The following DPP10 variants were observed in gnomAD, a reference collection of about 807,000 sequenced individuals.
DPP10 encodes the protein dipeptidyl peptidase like 10.
Under a neutral mutation model 120.9 loss-of-function variants are expected in DPP10, and 33 were observed. The ratio of observed to expected loss-of-function variants is 0.27; its 90% CI spans 0.21 to 0.37. The LOEUF (loss-of-function observed/expected upper bound fraction) is 0.37. Among genes scored for constraint, DPP10 ranks in the 10% least tolerant of loss-of-function variants. DPP10 has a pLI of 1.00. For missense variants in DPP10, 816 were observed against 942.8 expected, an observed-to-expected ratio of 0.87 and a Z score of 1.76; for synonymous variants, 337 against 326.1, an observed-to-expected ratio of 1.03 and a Z score of -0.36.
At chr2:114,642,343 T>C (rs1695773571) in intron 1 of DPP10, among the ~76,000 whole-genome samples, 1 of 151,932 alleles carries the variant, frequency 6.6e-6, no homozygotes, top group South Asian at 2.1e-4. Context: ...CTTAAGTTCC[T>C]CAGATAAACA....
At chr2:114,589,045 G>C (rs73946200) in intron 1 of DPP10, among the ~76,000 whole-genome samples, 10 of 150,282 alleles carry the variant, frequency 6.7e-5, no homozygotes, top group African/African-American at 2.0e-4. Flanking sequence ...TTTGGGGGGG[G>C]GGGTAGGGGA....
At chr2:115,161,479 C>T (rs1017249922) in intron 1 of DPP10, 2 of 142,864 alleles carry the variant, frequency 1.4e-5, no homozygotes, top group African/African-American at 5.3e-5. Flanking sequence ...TCCGGGCTCT[C>T]CCCCCCCCCG....
chr2:114,450,189 C>A lies in DPP10; in HGVS notation c.60+7351C>A, dbSNP rs146992381. 3.3e-5 allele frequency among the ~76,000 whole-genome samples: 5 copies of A among 152,174 alleles called. No homozygotes were observed. The East Asian group carries it at 9.7e-4, about 29-fold the overall frequency. On this transcript the variant is annotated intron_variant, in intron 1 of 25. Coordinates refer to ENST00000410059, the MANE Select transcript of DPP10 (RefSeq NM_020868.6). ...ACTTCCTTTGCCTCACATACCTTCC[C>A]CATCCCCCAAACCCCAAAAATGGTT...
intron 1 of DPP10, among the ~76,000 whole-genome samples, chr2:114,497,159 G>T (rs553400154): frequency 7.0e-6 from 1 of 143,060 alleles, no homozygotes; most frequent in Admixed American, 6.8e-5. Flanking sequence ...ATACATGTAG[G>T]TGTACACGTG....
At chr2:114,833,803 T>G (rs1485770248) in intron 1 of DPP10, 1 of 152,120 alleles carries the variant, frequency 6.6e-6, no homozygotes, top group African/African-American at 2.4e-5. Flanking sequence ...CAATAAACTA[T>G]ACCTATAGTC....
intron 3 of DPP10, among the ~76,000 whole-genome samples, chr2:115,390,712 A>G (rs972191688): frequency 5.3e-5 from 8 of 152,198 alleles, no homozygotes; most frequent in Non-Finnish European, 8.8e-5. Flanking sequence ...ACCATTACTC[A>G]TATGCTAAAG....
At chr2:115,457,640 A>G (rs192803812) in intron 3 of DPP10, among the ~76,000 whole-genome samples, 1 of 149,036 alleles carries the variant, frequency 6.7e-6, no homozygotes, top group East Asian at 2.0e-4. Context: ...AAATACCTCT[A>G]TATATCTACA....
At chr2:115,059,945 T>C (rs1320936335) in intron 1 of DPP10, among the ~76,000 whole-genome samples, 1 of 152,084 alleles carries the variant, frequency 6.6e-6, no homozygotes, top group African/African-American at 2.4e-5. Flanking sequence ...TCTTTCCAAA[T>C]TGATTATTTC....
chr2:115,384,367 C>G (rs1054485344), intron 3 of DPP10, among the ~76,000 whole-genome samples: 1 of 149,820 alleles, frequency 6.7e-6, no homozygotes, highest in Non-Finnish European at 1.5e-5. Flanking sequence ...GAGCAAGATC[C>G]TGTCTCAGAA....
chr2:115,315,240 C>T (rs570259148), intron 2 of DPP10, among the ~76,000 whole-genome samples: 1 of 151,448 alleles, frequency 6.6e-6, no homozygotes, highest in East Asian at 1.9e-4. Flanking sequence ...TAAAAATATT[C>T]ATATGCCTGC....
intron 1 of DPP10, among the ~76,000 whole-genome samples, chr2:114,675,232 A>G (rs1698594387): frequency 6.6e-6 from 1 of 152,130 alleles, no homozygotes; most frequent in Admixed American, 6.6e-5. Context: ...CATCACTTTT[A>G]TGAAATCCTG....
intron 1 of DPP10, among the ~76,000 whole-genome samples, chr2:114,577,351 T>C (rs1690135856): frequency 6.6e-6 from 1 of 152,206 alleles, no homozygotes; most frequent in Non-Finnish European, 1.5e-5. Context: ...GCGAGTTCCC[T>C]TGGCCAACAG....
intron 1 of DPP10, among the ~76,000 whole-genome samples, chr2:114,508,875 A>C (rs1683900512): frequency 6.6e-6 from 1 of 152,146 alleles, no homozygotes; most frequent in Non-Finnish European, 1.5e-5. Flanking sequence ...GAGAACGTGA[A>C]ATTCAGAAAC....
intron 1 of DPP10, among the ~76,000 whole-genome samples, chr2:114,983,171 C>CT (rs1477473397): frequency 1.3e-5 from 2 of 152,000 alleles, no homozygotes; most frequent in Non-Finnish European, 2.9e-5. Flanking sequence ...GCCCACAGTC[C>CT]TCATTGCTGT....
At chr2:114,485,243 A>G (rs1008586459) in intron 1 of DPP10, among the ~76,000 whole-genome samples, 13 of 152,318 alleles carry the variant, frequency 8.5e-5, no homozygotes, top group African/African-American at 3.1e-4. Flanking sequence ...CTCACAGTTC[A>G]TGAATCAGGA....
At chr2:115,711,719 G>A (rs981205284) in intron 7 of DPP10, among the ~76,000 whole-genome samples, 1 of 152,078 alleles carries the variant, frequency 6.6e-6, no homozygotes, top group Non-Finnish European at 1.5e-5. Context: ...AGATGAGTTT[G>A]TTCTTACTGC....
intron 7 of DPP10, among the ~76,000 whole-genome samples, chr2:115,716,260 C>A (rs1263459286): frequency 1.3e-5 from 2 of 152,192 alleles, no homozygotes; most frequent in Non-Finnish European, 2.9e-5. Flanking sequence ...TTATTGCAAA[C>A]AACCCAACAT....
At chr2:115,699,067 T>C (rs933052875) in intron 7 of DPP10, among the ~76,000 whole-genome samples, 1 of 122,950 alleles carries the variant, frequency 8.1e-6, no homozygotes, top group African/African-American at 2.8e-5. Context: ...AGACTCAAAT[T>C]CCTAAAATCA....
intron 1 of DPP10, among the ~76,000 whole-genome samples, chr2:114,915,141 AT>A (rs977763439): frequency 1.2e-4 from 16 of 136,804 alleles, no homozygotes; most frequent in East Asian, 2.2e-4. Flanking sequence ...AAAAAAAAAA[AT>A]AAAAAATAAA....
Sources: gnomAD v4.1 joint callset for allele counts (sites outside exome capture counted in the v4.1 genomes callset) on GRCh38, gnomAD v4.1.1 for gene constraint, MANE v1.5 for transcripts, NCBI Gene and HGNC (gene_info 2026-07-23, HGNC 2026-07-21) for gene names.